Variants in PAK3 observed in about 807,000 individuals in gnomAD.
The protein encoded by PAK3 is p21 (RAC1) activated kinase 3, also known as serine/threonine-protein kinase PAK 3.
PAK3 carries 4 observed loss-of-function variants against 41.0 expected under a neutral mutation model. The ratio of observed to expected loss-of-function variants is 0.10; its 90% CI spans 0.05 to 0.22. The LOEUF (loss-of-function observed/expected upper bound fraction) is 0.22, where lower values mean the gene tolerates loss of function less well. PAK3 is among the 10% of genes least tolerant of loss of function. The pLI is 1.00. For synonymous variants in PAK3, 146 were observed against 139.6 expected, an observed-to-expected ratio of 1.05 and a Z score of -0.32; for missense variants, 205 against 409.9, an observed-to-expected ratio of 0.50 and a Z score of 4.32.
At chrX:111,159,969 G>A (rs1438983211) in intron 8 of PAK3, among the ~76,000 whole-genome samples, 1 of 111,649 alleles carries the variant, frequency 9.0e-6, no homozygotes, top group East Asian at 2.8e-4. Context: ...TTCACCATAG[G>A]TTTATACATG....
At chrX:111,104,114 T>C (rs1057431097) in intron 4 of PAK3, among the ~76,000 whole-genome samples, 11 of 111,889 alleles carry the variant, frequency 9.8e-5, no homozygotes, top group African/African-American at 3.6e-4. Flanking sequence ...TTTCATGGCC[T>C]GTCTCTCCGA....
rs991413742 is a variant in PAK3 at position 111,147,963 on chromosome X, G to A, written c.430+73G>A. On this transcript the variant is annotated intron_variant, in intron 7 of 17. Coordinates refer to ENST00000372007, the MANE Select transcript of PAK3 (RefSeq NM_002578.5). ...CAGAGTGTCATGTTGAGAACAAAAT[G>A]TCTGTGGGACATTTGAAATCGATTC... 4 of 905,882 alleles carry A rather than the reference G, an allele frequency of 4.4e-6. No individual in the cohort carries two copies. In the Admixed American group the frequency reaches 9.0e-5, roughly 20 times the overall value. 74.7% of individuals were successfully genotyped at this position (905,882 alleles called of 1,213,427 possible).
intron 4 of PAK3, among the ~76,000 whole-genome samples, chrX:111,114,406 A>ACTATCTCTCAGTTACT (rs2093427359): frequency 8.9e-6 from 1 of 112,067 alleles, no homozygotes; most frequent in African/African-American, 3.2e-5. Flanking sequence ...GGCCTCAATA[A>ACTATCTCTCAGTTACT]TATATTCTCA....
chrX:110,966,719 A>T (rs1294528548), intron 1 of PAK3, among the ~76,000 whole-genome samples: 1 of 109,284 alleles, frequency 9.2e-6, no homozygotes, highest in Non-Finnish European at 1.9e-5. Context: ...TACAAATATA[A>T]AAAAAAAAGA....
upstream of PAK3, among the ~76,000 whole-genome samples, chrX:111,095,640 A>ATCGG (rs2092969823): frequency 3.6e-5 from 4 of 112,183 alleles, no homozygotes; most frequent in Non-Finnish European, 7.5e-5. Flanking sequence ...CTTCATATGC[A>ATCGG]GAAAAGTAGT....
At chrX:110,966,704 G>A (rs1026320894) in intron 1 of PAK3, among the ~76,000 whole-genome samples, 3 of 110,655 alleles carry the variant, frequency 2.7e-5, no homozygotes, top group Non-Finnish European at 5.7e-5. Flanking sequence ...TTTGAAGTGT[G>A]TATGTACAAA....
chrX:110,956,652 C>A (rs1027610766), intron 1 of PAK3, among the ~76,000 whole-genome samples: 3 of 111,221 alleles, frequency 2.7e-5, no homozygotes, highest in Non-Finnish European at 5.7e-5. Context: ...CAAAGCAGAC[C>A]CTGCTTTACG....
At chrX:111,050,199 T>G (rs920395807) in intron 1 of PAK3, among the ~76,000 whole-genome samples, 2 of 111,241 alleles carry the variant, frequency 1.8e-5, no homozygotes, top group African/African-American at 6.5e-5. Flanking sequence ...CTGTGGATGT[T>G]TTTTCCCAGG....
chrX:111,102,453 T>C (rs2093161591), intron 3 of PAK3, among the ~76,000 whole-genome samples: 1 of 111,913 alleles, frequency 8.9e-6, no homozygotes, highest in African/African-American at 3.3e-5. Flanking sequence ...TGTGAGATGG[T>C]AGCAAATTAG....
At chrX:111,038,085 A>C (rs1412393946) in intron 1 of PAK3, among the ~76,000 whole-genome samples, 2 of 112,019 alleles carry the variant, frequency 1.8e-5, no homozygotes, top group Non-Finnish European at 3.8e-5. Context: ...CCCCAAACTC[A>C]CAGGGTAGGG....
chrX:111,188,431 T>G (rs1285445097), intron 11 of PAK3, among the ~76,000 whole-genome samples: 4 of 110,852 alleles, frequency 3.6e-5, no homozygotes, highest in Non-Finnish European at 7.6e-5. Flanking sequence ...TTGTTTAATA[T>G]ATTGAGGGTT....
chrX:111,038,881 G>T (rs1235778170), intron 1 of PAK3, among the ~76,000 whole-genome samples: 2 of 111,865 alleles, frequency 1.8e-5, no homozygotes, highest in African/African-American at 6.5e-5. Flanking sequence ...ATTGGAGGGA[G>T]TTCTTTGATG....
At chrX:111,087,915 C>T (rs1413837165) in intron 1 of PAK3, among the ~76,000 whole-genome samples, 1 of 109,648 alleles carries the variant, frequency 9.1e-6, no homozygotes, top group African/African-American at 3.3e-5. Context: ...CACTCAGAGA[C>T]ATCAGACACT....
intron 4 of PAK3, among the ~76,000 whole-genome samples, chrX:111,107,980 C>G (rs1281338890): frequency 1.8e-5 from 2 of 111,780 alleles, no homozygotes; most frequent in Non-Finnish European, 3.8e-5. Context: ...TAGAGCTAGG[C>G]CCAGAGATTC....
At chrX:111,058,352 T>C (rs760784466) in intron 1 of PAK3, among the ~76,000 whole-genome samples, 2 of 112,039 alleles carry the variant, frequency 1.8e-5, no homozygotes, top group Non-Finnish European at 3.8e-5. Context: ...TTATTGTCTA[T>C]TTTTTTGTGT....
intron 5 of PAK3, among the ~76,000 whole-genome samples, chrX:111,132,150 C>G: frequency 9.0e-6 from 1 of 110,618 alleles, no homozygotes; most frequent in South Asian, 4.0e-4. Flanking sequence ...AATGGACCAC[C>G]GAAAGCATCT....
intron 5 of PAK3, among the ~76,000 whole-genome samples, chrX:111,131,992 T>TA (rs769518743): frequency 9.0e-6 from 1 of 110,801 alleles, no homozygotes; most frequent in African/African-American, 3.3e-5. Context: ...TTTTTTTTAA[T>TA]AAAAAAAGGA....
chrX:111,031,175 T>G (rs2092335921), intron 1 of PAK3, among the ~76,000 whole-genome samples: 1 of 111,939 alleles, frequency 8.9e-6, no homozygotes, highest in East Asian at 2.8e-4. Context: ...GAGGTCACAG[T>G]CTAGTGAAAT....
intron 1 of PAK3, among the ~76,000 whole-genome samples, chrX:111,079,510 C>T (rs2092816514): frequency 8.9e-6 from 1 of 111,941 alleles, no homozygotes; most frequent in South Asian, 3.7e-4. Flanking sequence ...AAAATGATTC[C>T]TTTCAACATA....
Sources: allele counts gnomAD v4.1 joint callset (sites outside exome capture counted in the v4.1 genomes callset), GRCh38; gene constraint gnomAD v4.1.1; transcripts MANE v1.5; gene names NCBI Gene and HGNC (gene_info 2026-07-23, HGNC 2026-07-21).